The following ANKFY1 variants were observed in gnomAD, a reference collection of about 807,000 sequenced individuals.
The protein encoded by ANKFY1 is ankyrin repeat and FYVE domain-containing protein 1.
A neutral mutation model predicts 128.3 loss-of-function variants in ANKFY1; 47 were observed. The ratio of observed to expected loss-of-function variants is 0.37; its 90% CI spans 0.29 to 0.47. ANKFY1 has a LOEUF of 0.47. Ranked by LOEUF, ANKFY1 falls within the 20% of genes least tolerant of loss-of-function variation. The pLI is 1.00. For synonymous variants in ANKFY1, 553 were observed against 601.6 expected, an observed-to-expected ratio of 0.92 and a Z score of 1.18; for missense variants, 1,222 against 1,510.6, an observed-to-expected ratio of 0.81 and a Z score of 3.17.
Position 4,178,903 on chromosome 17 carries a change from T to C in ANKFY1, c.2552A>G (p.Lys851Arg). The change falls in exon 18 of 25, where the codon AAG (lysine) becomes AGG (arginine). Residue 851 changes from lysine (K) to arginine (R), a missense_variant. Physicochemically the swap from Lys to Arg is conservative, Grantham distance 26. Coordinates refer to ENST00000341657, the MANE Select transcript of ANKFY1 (RefSeq NM_001330063.2). This position sits in a 1 kb window ranked among gnomAD's most constrained non-coding sequence, Gnocchi z 4.1. ...TCGTTTGAGAATGGCCTCGGCTGAC[T>C]TGTTGTTCTTGAAAGTCATGGCACA... is the stretch of plus-strand genomic sequence containing the variant. ...FACAMTFKNN[K>R]SAEAILKRES... 1 of 1,614,128 alleles carries C rather than the reference T, an allele frequency of 6.2e-7. No individual in the cohort carries two copies. Among genetic ancestry groups the C allele is most frequent in the Non-Finnish European group, 8.5e-7 (1 of 1,179,954 alleles).
intron 3 of ANKFY1, chr17:4,222,817 C>A: frequency 1.0e-6 from 1 of 975,162 alleles, no homozygotes; most frequent in Non-Finnish European, 1.7e-6. Context: ...AGCATTAGTG[C>A]CAGCAGGAGT....
rs2060539455 is a variant in ANKFY1, at chr17:4,233,002, A to C, written c.322+2770T>G. Among the ~76,000 whole-genome samples the C allele has an allele frequency of 3.3e-5, 5 of 152,030 alleles. No individual in the cohort carries two copies. The South Asian group carries it at 1.0e-3, about 32-fold the overall frequency. ...ACAGTATCCCAGAAGTCAGATAATG[A>C]AGAAAAAAAAAAAAGTAGGAATATT... On this transcript the variant is annotated intron_variant, in intron 3 of 24. Coordinates refer to ENST00000341657, the MANE Select transcript of ANKFY1 (RefSeq NM_001330063.2).
intron 1 of ANKFY1, among the ~76,000 whole-genome samples, chr17:4,244,534 T>C (rs2143415187): frequency 6.6e-6 from 1 of 152,210 alleles, no homozygotes; most frequent in African/African-American, 2.4e-5. Context: ...CTCCGGGCCT[T>C]GGTCCCTTCA....
intron 1 of ANKFY1, among the ~76,000 whole-genome samples, chr17:4,254,873 A>AGG (rs1430755587): frequency 4.6e-5 from 7 of 152,278 alleles, no homozygotes; most frequent in African/African-American, 1.7e-4. Context: ...GATTCTAACT[A>AGG]TATTGAAAAA....
intron 2 of ANKFY1, among the ~76,000 whole-genome samples, chr17:4,236,972 C>G (rs949690387): frequency 5.9e-5 from 9 of 151,920 alleles, no homozygotes; most frequent in African/African-American, 1.9e-4. Flanking sequence ...CCCGTCTCTA[C>G]TAAAAATACA....
At chr17:4,207,809 A>T in intron 6 of ANKFY1, 124 bp downstream of exon 6, 1 of 989,380 alleles carries the variant, frequency 1.0e-6, no homozygotes, top group African/African-American at 1.7e-5. Flanking sequence ...CAAACTATTT[A>T]GTAGAAATCC....
intron 7 of ANKFY1, among the ~76,000 whole-genome samples, chr17:4,201,855 G>A (rs531097273): frequency 6.6e-6 from 1 of 152,266 alleles, no homozygotes; most frequent in South Asian, 2.1e-4. Context: ...CATATACGCA[G>A]AGGGTCCTAC....
At chr17:4,198,918 G>T (rs2059877448) in intron 7 of ANKFY1, among the ~76,000 whole-genome samples, 1 of 152,062 alleles carries the variant, frequency 6.6e-6, no homozygotes, top group African/African-American at 2.4e-5. Context: ...AACATCCCAG[G>T]TCTTTGGAAG....
chr17:4,226,346 A>G (rs1436734342), intron 3 of ANKFY1, among the ~76,000 whole-genome samples: 1 of 152,124 alleles, frequency 6.6e-6, no homozygotes, highest in Non-Finnish European at 1.5e-5. Context: ...ACACAGTGAG[A>G]CCCTGTCTCT....
rs148911526 is a variant in ANKFY1, at chr17:4,237,786, G to A, written c.204-1896C>T. 1.3e-3 allele frequency among the ~76,000 whole-genome samples: 194 copies of A among 152,242 alleles called. 1 individual carries two copies. The highest frequency in any genetic ancestry group is 4.5e-3 in the African/African-American group (189 of 41,552). On this transcript the variant is annotated intron_variant, in intron 2 of 24. Coordinates refer to ENST00000341657, the MANE Select transcript of ANKFY1 (RefSeq NM_001330063.2). ...CAAGTCCAGTCCATGAGGATTCTAT[G>A]TTGAAACAATTAAGGACCTAGTAAT...
At chr17:4,239,053 C>T (rs978531557) in intron 2 of ANKFY1, among the ~76,000 whole-genome samples, 5 of 152,234 alleles carry the variant, frequency 3.3e-5, no homozygotes, top group East Asian at 3.9e-4. Flanking sequence ...CCACCACGCC[C>T]GGCCTAGGGC....
chr17:4,200,017 C>A (rs1397577706), intron 7 of ANKFY1, among the ~76,000 whole-genome samples: 2 of 151,942 alleles, frequency 1.3e-5, no homozygotes, highest in Non-Finnish European at 2.9e-5. Context: ...TCAGTAGCCT[C>A]CAGGTGGCAT....
At chr17:4,204,425 G>A (rs1199763937) in intron 7 of ANKFY1, among the ~76,000 whole-genome samples, 5 of 152,212 alleles carry the variant, frequency 3.3e-5, no homozygotes, top group Admixed American at 2.0e-4. Flanking sequence ...GTGAATACCA[G>A]CTTCATAAAG....
rs780051741 is a variant in ANKFY1, at chr17:4,195,435, T to C, written c.1140A>G (p.Glu380=). The change falls in exon 9 of 25, where the codon GAA becomes GAG. Residue 380 remains glutamate, a synonymous_variant. Coordinates refer to ENST00000341657, the MANE Select transcript of ANKFY1 (RefSeq NM_001330063.2). The part of the protein sequence containing the change: ...PLHVSIMAGN[E]YVFSQLLQCK... ...ACTGCAGCAGCTGACTGAACACATA[T>C]TCATTCCCGGCCATGATGGACACAT... 5.0e-5 allele frequency: 81 copies of C among 1,614,032 alleles called. No individual in the cohort carries two copies. The East Asian group carries it at 1.4e-3, about 28-fold the overall frequency.
intron 17 of ANKFY1, 55 bp downstream of exon 17, chr17:4,179,666 G>C: frequency 6.3e-7 from 1 of 1,594,460 alleles, no homozygotes; most frequent in Non-Finnish European, 8.5e-7. Context: ...CATAGGAGGA[G>C]GCTTCCCTCA....
chr17:4,175,692 T>C (rs4790179), intron 19 of ANKFY1, among the ~76,000 whole-genome samples: 143,195 of 152,144 alleles, frequency 0.94, 68,018 homozygotes, highest in East Asian at 1. Flanking sequence ...ATAAGACATA[T>C]GAGTGGATAT....
chr17:4,244,348 G>GC (rs1967418938), intron 1 of ANKFY1, among the ~76,000 whole-genome samples: 1 of 152,164 alleles, frequency 6.6e-6, no homozygotes, highest in African/African-American at 2.4e-5. Flanking sequence ...AGCCTATAAA[G>GC]CAAGTTAATG....
intron 8 of ANKFY1, 97 bp from the exon 9 acceptor site, chr17:4,195,568 C>T (rs1021204734): frequency 1.6e-5 from 14 of 877,674 alleles, no homozygotes; most frequent in African/African-American, 5.0e-5. Context: ...AATCACCACC[C>T]GCAAGAAATC....
At chr17:4,209,741 C>T in intron 5 of ANKFY1, 83 bp downstream of exon 5, 4 of 1,473,912 alleles carry the variant, frequency 2.7e-6, no homozygotes, top group Non-Finnish European at 3.7e-6. Context: ...CCAGAGAGGT[C>T]ACTTTCCATG....
Sources: allele counts gnomAD v4.1 joint callset (sites outside exome capture counted in the v4.1 genomes callset), GRCh38; gene constraint gnomAD v4.1.1; non-coding constraint Gnocchi (gnomAD v3.1); transcripts MANE v1.5; gene names NCBI Gene and HGNC (gene_info 2026-07-23, HGNC 2026-07-21).